Variants in PDZD2 observed in about 807,000 individuals in gnomAD.
PDZD2 encodes PDZ domain-containing protein 2.
Under a neutral mutation model 220.7 loss-of-function variants are expected in PDZD2, and 90 were observed. The observed-to-expected ratio is 0.41, with a 90% CI of 0.34 to 0.49. The LOEUF is 0.49. Among genes scored for constraint, PDZD2 ranks in the 20% least tolerant of loss-of-function variants. PDZD2 has a pLI of 0.28. For synonymous variants in PDZD2, 1,375 were observed against 1,450.5 expected, an observed-to-expected ratio of 0.95 and a Z score of 1.18; for missense variants, 3,174 against 3,608.5, an observed-to-expected ratio of 0.88 and a Z score of 3.08.
intron 2 of PDZD2, among the ~76,000 whole-genome samples, chr5:31,957,316 C>T (rs571692977): frequency 3.1e-4 from 47 of 152,294 alleles, no homozygotes; most frequent in African/African-American, 1.1e-3. Context: ...TCGCCAGTCA[C>T]GCAGTGGTTC....
intron 2 of PDZD2, among the ~76,000 whole-genome samples, chr5:31,883,275 C>T (rs1416420939): frequency 2.4e-5 from 3 of 127,368 alleles, no homozygotes; most frequent in Non-Finnish European, 3.1e-5. Context: ...GGCTGGAGTG[C>T]AGTGGCACAA....
intron 1 of PDZD2, among the ~76,000 whole-genome samples, chr5:31,669,636 T>C (rs1746137007): frequency 6.6e-6 from 1 of 152,178 alleles, no homozygotes; most frequent in Non-Finnish European, 1.5e-5. Context: ...ATTGAATGGC[T>C]TTCCAAAGTT....
intron 2 of PDZD2, among the ~76,000 whole-genome samples, chr5:31,865,621 C>CTTTTTTTT (rs776271275): frequency 1.5e-5 from 1 of 67,776 alleles, no homozygotes; most frequent in Non-Finnish European, 2.5e-5. Context: ...CTACTGGCAA[C>CTTTTTTTT]TTTTTTTTTT....
intron 2 of PDZD2, among the ~76,000 whole-genome samples, chr5:31,881,939 G>C (rs550299441): frequency 6.6e-6 from 1 of 150,476 alleles, no homozygotes; most frequent in African/African-American, 2.4e-5. Flanking sequence ...GGCTGGTCTC[G>C]AACTCCTGAC....
intron 1 of PDZD2, among the ~76,000 whole-genome samples, chr5:31,692,644 G>A (rs1047060423): frequency 2.0e-5 from 3 of 152,182 alleles, no homozygotes; most frequent in Non-Finnish European, 2.9e-5. Context: ...ACCAGCTCAC[G>A]GCAGCCAGGA....
intron 1 of PDZD2, among the ~76,000 whole-genome samples, chr5:31,766,816 G>A (rs4400132): frequency 0.17 from 24,966 of 150,218 alleles, 2,981 homozygotes; most frequent in East Asian, 0.48. Context: ...TGCAACCTCT[G>A]CCTCCTGGGT....
At chr5:31,800,024 T>C (rs1754301880) in intron 2 of PDZD2, among the ~76,000 whole-genome samples, 3 of 152,192 alleles carry the variant, frequency 2.0e-5, no homozygotes, top group Admixed American at 1.3e-4. Context: ...TGATCTTATC[T>C]GAATGCATTG....
chr5:32,022,780 C>T (rs1224929572), intron 6 of PDZD2, among the ~76,000 whole-genome samples: 2 of 152,108 alleles, frequency 1.3e-5, no homozygotes, highest in Admixed American at 1.3e-4. Flanking sequence ...AAATGTTCAG[C>T]CCATGCTTCT....
At chr5:31,778,993 TG>T (rs60169927) in intron 1 of PDZD2, among the ~76,000 whole-genome samples, 2,756 of 152,270 alleles carry the variant, frequency 0.018, 103 homozygotes, top group African/African-American at 0.064. Context: ...TCACATATTA[TG>T]GCAAACATTT....
intron 2 of PDZD2, among the ~76,000 whole-genome samples, chr5:31,932,419 T>G (rs1201542429): frequency 6.6e-6 from 1 of 151,994 alleles, no homozygotes; most frequent in African/African-American, 2.4e-5. Context: ...CGTGGTGGCG[T>G]GTGCCTGTAA....
At chr5:31,848,533 G>C (rs999938515) in intron 2 of PDZD2, among the ~76,000 whole-genome samples, 4 of 151,876 alleles carry the variant, frequency 2.6e-5, no homozygotes, top group African/African-American at 9.7e-5. Flanking sequence ...CAGATCACCT[G>C]AGGTCAGGAG....
chr5:31,915,821 T>A (rs1743628923), intron 2 of PDZD2, among the ~76,000 whole-genome samples: 1 of 152,234 alleles, frequency 6.6e-6, no homozygotes, highest in Non-Finnish European at 1.5e-5. Flanking sequence ...CTTGATTTCA[T>A]TCTGTCCATG....
At chr5:31,727,270 T>C (rs1444614779) in intron 1 of PDZD2, among the ~76,000 whole-genome samples, 4 of 152,202 alleles carry the variant, frequency 2.6e-5, no homozygotes, top group Admixed American at 6.5e-5. Flanking sequence ...GATGGCTGCT[T>C]GACTTGGACT....
intron 6 of PDZD2, among the ~76,000 whole-genome samples, chr5:32,022,254 G>A (rs1754275533): frequency 6.8e-6 from 1 of 146,480 alleles, no homozygotes; most frequent in Admixed American, 7.0e-5. Flanking sequence ...CTGGAGTGCA[G>A]TGGCATGATC....
chr5:31,644,796 C>A (rs1037536064), intron 1 of PDZD2, among the ~76,000 whole-genome samples: 6 of 152,226 alleles, frequency 3.9e-5, no homozygotes, highest in African/African-American at 1.2e-4. Flanking sequence ...TCTCAACTCT[C>A]TTTATGAAGC....
At chr5:32,018,735 C>G (rs1532269) in intron 6 of PDZD2, among the ~76,000 whole-genome samples, 75,201 of 152,162 alleles carry the variant, frequency 0.49, 20,676 homozygotes, top group Non-Finnish European at 0.63. Context: ...CCAAGTAGGT[C>G]TCAGTTCACT....
intron 1 of PDZD2, among the ~76,000 whole-genome samples, chr5:31,703,219 A>C (rs1238638315): frequency 6.6e-6 from 1 of 152,224 alleles, no homozygotes; most frequent in Admixed American, 6.5e-5. Context: ...CTTTAGGGAA[A>C]CCAACCCAAA....
At chr5:31,676,483 G>A (rs918067998) in intron 1 of PDZD2, among the ~76,000 whole-genome samples, 3 of 152,122 alleles carry the variant, frequency 2.0e-5, no homozygotes, top group Non-Finnish European at 4.4e-5. Flanking sequence ...AGATTGTGGG[G>A]AGGGCAGGAA....
intron 16 of PDZD2, 122 bp downstream of exon 16, chr5:32,071,540 T>C (rs1740742600): frequency 1.3e-6 from 1 of 759,536 alleles, no homozygotes; most frequent in South Asian, 1.5e-5. Flanking sequence ...TTTGCCACTT[T>C]ATACAGGAAA....
Sources: allele counts gnomAD v4.1 joint callset (sites outside exome capture counted in the v4.1 genomes callset), GRCh38; gene constraint gnomAD v4.1.1; transcripts MANE v1.5; gene names NCBI Gene and HGNC (gene_info 2026-07-23, HGNC 2026-07-21).